The following HOMER2 variants were observed in gnomAD, a reference collection of about 807,000 sequenced individuals.
HOMER2 encodes the protein homer scaffold protein 2.
In HOMER2, 27 loss-of-function variants were observed where a neutral mutation model predicts 47.0. That is an observed-to-expected ratio of 0.57 (90% CI 0.42 to 0.79). HOMER2 has a LOEUF of 0.79. Ranked by LOEUF, HOMER2 falls within the 30% of genes least tolerant of loss-of-function variation. The pLI is 0.00. For missense variants in HOMER2, 443 were observed against 435.0 expected, an observed-to-expected ratio of 1.02 and a Z score of -0.16; for synonymous variants, 161 against 163.8, an observed-to-expected ratio of 0.98 and a Z score of 0.13.
At chr15:82,860,977 G>GAGAGAGAGAGAGAGAA (rs71156059) in intron 4 of HOMER2, among the ~76,000 whole-genome samples, 7 of 144,356 alleles carry the variant, frequency 4.8e-5, no homozygotes, top group African/African-American at 7.7e-5. Flanking sequence ...GAGAGAGAGA[G>GAGAGAGAGAGAGAGAA]AGAGAAAGCG....
rs138355994 is a variant in HOMER2 at position 82,856,290 on chromosome 15, C to T, written c.495-1490G>A. ...TTTTTAGGGGTGAAACATTTTCACC[C>T]AGGCAGCCCACTGTGACTTAAACAA... is the stretch of plus-strand genomic sequence containing the variant. On this transcript the variant is annotated intron_variant, in intron 5 of 8. Coordinates refer to ENST00000450735, the MANE Select transcript of HOMER2 (RefSeq NM_004839.4). Among the ~76,000 whole-genome samples, 149 of 152,182 alleles carry T rather than the reference C, an allele frequency of 9.8e-4. 1 individual carries two copies. In the East Asian group the frequency reaches 0.026, roughly 26 times the overall value.
At chr15:82,839,662 A>G (rs1454679102) in exon 2 of HOMER2, 3 of 152,218 alleles carry the variant, frequency 2.0e-5, no homozygotes, top group Non-Finnish European at 1.5e-5. Context: ...AAAAAGAAAC[A>G]AAGCAAAAAC....
chr15:82,870,870 G>A (rs559425144), intron 3 of HOMER2, among the ~76,000 whole-genome samples: 13 of 152,326 alleles, frequency 8.5e-5, no homozygotes, highest in African/African-American at 2.2e-4. Flanking sequence ...ATCCTGGGTC[G>A]CTCCCCATTA....
At chr15:82,896,421 C>T (rs1738364560) in intron 1 of HOMER2, among the ~76,000 whole-genome samples, 1 of 152,228 alleles carries the variant, frequency 6.6e-6, no homozygotes, top group Non-Finnish European at 1.5e-5. Context: ...ATCTCCAAAT[C>T]TGCCTGCTCA....
At chr15:82,854,556 GGGGA>G in intron 6 of HOMER2, 84 bp downstream of exon 6, 1 of 1,396,374 alleles carries the variant, frequency 7.2e-7, no homozygotes, top group Non-Finnish European at 9.7e-7. Context: ...GGGCAAAGTT[GGGGA>G]GGGAGAAAAA....
At chr15:82,980,808 A>G (rs2030366533) in intron 1 of HOMER2, among the ~76,000 whole-genome samples, 1 of 152,226 alleles carries the variant, frequency 6.6e-6, no homozygotes, top group African/African-American at 2.4e-5. Context: ...ACTTTTCCCT[A>G]GTGAACTTTG....
chr15:82,935,637 CT>C (rs1454026429), intron 1 of HOMER2, among the ~76,000 whole-genome samples: 1 of 152,204 alleles, frequency 6.6e-6, no homozygotes, highest in Non-Finnish European at 1.5e-5. Context: ...ACTTGCTCCT[CT>C]TCCAGACTTC....
intron 6 of HOMER2, among the ~76,000 whole-genome samples, chr15:82,854,036 C>G (rs1281285608): frequency 2.6e-5 from 4 of 152,178 alleles, no homozygotes; most frequent in African/African-American, 9.7e-5. Context: ...GGAGGGCACT[C>G]TGAGAGAGAC....
intron 3 of HOMER2, among the ~76,000 whole-genome samples, chr15:82,868,419 TACTGGAG>T (rs1220948054): frequency 6.6e-6 from 1 of 150,596 alleles, no homozygotes; most frequent in Admixed American, 6.7e-5. Flanking sequence ...CACAGAAGCC[TACTGGAG>T]GGTGGAGGGT....
intron 1 of HOMER2, among the ~76,000 whole-genome samples, chr15:82,917,963 A>C (rs1487019822): frequency 1.3e-5 from 2 of 152,114 alleles, no homozygotes; most frequent in Non-Finnish European, 2.9e-5. Context: ...ACTGCTGCTG[A>C]GACTAGAGCC....
At chr15:82,837,971 G>C (rs1016183865) in exon 2 of HOMER2, 1 of 152,386 alleles carries the variant, frequency 6.6e-6, no homozygotes, top group African/African-American at 2.4e-5. Flanking sequence ...TCATCCGGAG[G>C]GCTGGGGCCT....
chr15:82,952,963 C>G (rs1319005957), upstream of HOMER2, among the ~76,000 whole-genome samples: 2 of 152,168 alleles, frequency 1.3e-5, no homozygotes, highest in East Asian at 3.9e-4. Flanking sequence ...CACGCCGACC[C>G]GGGGCCCTGG....
At chr15:82,957,804 T>A (rs4842928), downstream of HOMER2, among the ~76,000 whole-genome samples, 34,158 of 152,142 alleles carry the variant, frequency 0.22, 4,271 homozygotes, top group East Asian at 0.57. Flanking sequence ...GTGTCCTGGA[T>A]GCCTCCAGAG....
chr15:82,912,024 T>C (rs1033763220), intron 1 of HOMER2, among the ~76,000 whole-genome samples: 2 of 152,168 alleles, frequency 1.3e-5, no homozygotes, highest in Non-Finnish European at 2.9e-5. Context: ...AGTGAAACTC[T>C]GTCCCAAAAA....
chr15:82,856,407 G>C (rs1464011221), intron 5 of HOMER2, among the ~76,000 whole-genome samples: 2 of 152,100 alleles, frequency 1.3e-5, no homozygotes, highest in Admixed American at 6.6e-5. Context: ...GATAAGCCCA[G>C]GAGTTTGGGA....
chr15:82,844,898 GT>G (rs1163919407), downstream of HOMER2: 1 of 152,224 alleles, frequency 6.6e-6, no homozygotes, highest in African/African-American at 2.4e-5. Context: ...CCTCACAGCT[GT>G]GAATCATCAG....
intron 1 of HOMER2, among the ~76,000 whole-genome samples, chr15:82,966,128 T>C (rs2054673120): frequency 6.6e-6 from 1 of 151,890 alleles, no homozygotes; most frequent in Non-Finnish European, 1.5e-5. Context: ...CTTTAGAGGG[T>C]ATAACAAAGT....
chr15:82,909,264 T>C (rs934798566), intron 1 of HOMER2, among the ~76,000 whole-genome samples: 1 of 152,184 alleles, frequency 6.6e-6, no homozygotes, highest in African/African-American at 2.4e-5. Context: ...GGCAATTTAC[T>C]TCTATAGAAG....
chr15:82,905,044 G>T (rs2053246659), intron 1 of HOMER2, among the ~76,000 whole-genome samples: 1 of 152,104 alleles, frequency 6.6e-6, no homozygotes, highest in South Asian at 2.1e-4. Context: ...CAGCATGCAA[G>T]AACAGATGGA....
Sources: gnomAD v4.1 joint callset for allele counts (sites outside exome capture counted in the v4.1 genomes callset) on GRCh38, gnomAD v4.1.1 for gene constraint, MANE v1.5 for transcripts, NCBI Gene and HGNC (gene_info 2026-07-23, HGNC 2026-07-21) for gene names.